The following MACROD2 variants were observed in gnomAD, a reference collection of about 807,000 sequenced individuals.
MACROD2 encodes ADP-ribose glycohydrolase MACROD2.
MACROD2 carries 36 observed loss-of-function variants against 70.4 expected under a neutral mutation model. That is an observed-to-expected ratio of 0.51 (90% CI 0.39 to 0.68). The LOEUF is 0.68. MACROD2 is among the 30% of genes least tolerant of loss of function. The pLI is 0.00. For synonymous variants in MACROD2, 172 were observed against 178.8 expected, an observed-to-expected ratio of 0.96 and a Z score of 0.30; for missense variants, 496 against 538.4, an observed-to-expected ratio of 0.92 and a Z score of 0.78.
intron 6 of MACROD2, among the ~76,000 whole-genome samples, chr20:15,239,997 A>G (rs2077047252): frequency 6.6e-6 from 1 of 152,176 alleles, no homozygotes; most frequent in Non-Finnish European, 1.5e-5. Flanking sequence ...CCTGGCCGGT[A>G]TCTCATCAGT....
intron 4 of MACROD2, among the ~76,000 whole-genome samples, chr20:14,541,201 G>A (rs532884732): frequency 1.3e-5 from 2 of 152,078 alleles, no homozygotes; most frequent in East Asian, 1.9e-4. Context: ...GACTTTATGT[G>A]ACAATAGGTA....
intron 5 of MACROD2, among the ~76,000 whole-genome samples, chr20:14,965,309 T>G (rs2074622628): frequency 6.6e-6 from 1 of 152,114 alleles, no homozygotes; most frequent in Non-Finnish European, 1.5e-5. Flanking sequence ...AAACTAGTTG[T>G]TCATGGAAAT....
At chr20:15,318,104 G>GA (rs2146165082) in intron 6 of MACROD2, among the ~76,000 whole-genome samples, 1 of 152,126 alleles carries the variant, frequency 6.6e-6, no homozygotes, top group Non-Finnish European at 1.5e-5. Context: ...ACTGAAATCA[G>GA]AAAAAAATAG....
At chr20:15,684,250 A>G (rs1467308155) in intron 8 of MACROD2, among the ~76,000 whole-genome samples, 1 of 152,176 alleles carries the variant, frequency 6.6e-6, no homozygotes, top group Non-Finnish European at 1.5e-5. Context: ...GCCATTCCTC[A>G]GTATGTAAAG....
intron 5 of MACROD2, among the ~76,000 whole-genome samples, chr20:15,215,005 A>G (rs2076796887): frequency 6.6e-6 from 1 of 152,180 alleles, no homozygotes; most frequent in South Asian, 2.1e-4. Context: ...AGCAGTTTAA[A>G]TAGTACTTGT....
intron 8 of MACROD2, among the ~76,000 whole-genome samples, chr20:15,746,156 G>A (rs1217245473): frequency 1.3e-5 from 2 of 152,006 alleles, no homozygotes; most frequent in African/African-American, 4.8e-5. Context: ...CACGAACAAT[G>A]TATATAATTC....
intron 10 of MACROD2, among the ~76,000 whole-genome samples, chr20:15,889,249 G>T (rs1391950843): frequency 6.6e-6 from 1 of 152,132 alleles, no homozygotes; most frequent in Non-Finnish European, 1.5e-5. Flanking sequence ...GGTACAATTA[G>T]CTCGTGTGAG....
chr20:14,953,545 T>G (rs1055244068), intron 5 of MACROD2, among the ~76,000 whole-genome samples: 1 of 152,110 alleles, frequency 6.6e-6, no homozygotes, highest in Non-Finnish European at 1.5e-5. Flanking sequence ...GACCTCATGG[T>G]CCGCCCACCT....
In MACROD2 at chr20:14,067,478, G is replaced by T. The variant is rs192056941; in HGVS notation, c.164-18143G>T. Among the ~76,000 whole-genome samples the T allele has an allele frequency of 1.0e-3, 159 of 152,134 alleles. 1 individual carries two copies. Among genetic ancestry groups the T allele is most frequent in the African/African-American group, 3.7e-3 (152 of 41,534 alleles). On this transcript the variant is annotated intron_variant, in intron 2 of 17. Transcript: ENST00000684519. The stretch of plus-strand genomic sequence containing the variant: ...TTCCTTTTTTATAAATGAGGATTTC[G>T]TACATTTTACTAAAAGGGCAGAAAT...
At chr20:14,941,316 G>C (rs759516896) in intron 5 of MACROD2, among the ~76,000 whole-genome samples, 3 of 151,872 alleles carry the variant, frequency 2.0e-5, no homozygotes, top group Admixed American at 6.6e-5. Context: ...TGGTAGTCCT[G>C]CCTCACCTCT....
At chr20:15,644,193 A>G (rs2049505876) in intron 8 of MACROD2, among the ~76,000 whole-genome samples, 1 of 152,174 alleles carries the variant, frequency 6.6e-6, no homozygotes, top group Non-Finnish European at 1.5e-5. Context: ...TGACTCTGGC[A>G]AAGTCACACA....
At chr20:14,478,980 A>T (rs1465196472) in intron 3 of MACROD2, among the ~76,000 whole-genome samples, 1 of 151,912 alleles carries the variant, frequency 6.6e-6, no homozygotes, top group Non-Finnish European at 1.5e-5. Flanking sequence ...CTCTGGTCTG[A>T]CTGGATGAAG....
intron 13 of MACROD2, among the ~76,000 whole-genome samples, chr20:15,971,461 C>A (rs753058173): frequency 6.6e-6 from 1 of 152,150 alleles, no homozygotes; most frequent in Non-Finnish European, 1.5e-5. Context: ...GTAAGACATG[C>A]GGTTGCACCT....
intron 5 of MACROD2, among the ~76,000 whole-genome samples, chr20:14,862,495 AT>A (rs2073364785): frequency 2.9e-5 from 1 of 34,042 alleles, no homozygotes; most frequent in Non-Finnish European, 4.7e-5. Context: ...AAATATATAT[AT>A]AAATATATAT....
At chr20:15,376,529 A>G (rs1739530701) in intron 6 of MACROD2, among the ~76,000 whole-genome samples, 1 of 152,192 alleles carries the variant, frequency 6.6e-6, no homozygotes, top group South Asian at 2.1e-4. Flanking sequence ...AGTATTATAG[A>G]TAATGCCACT....
chr20:15,004,418 T>A (rs1405397624), intron 5 of MACROD2, among the ~76,000 whole-genome samples: 1 of 152,218 alleles, frequency 6.6e-6, no homozygotes, highest in Non-Finnish European at 1.5e-5. Flanking sequence ...GGAGCTGTTG[T>A]TATTAACCAA....
intron 5 of MACROD2, among the ~76,000 whole-genome samples, chr20:14,745,920 TC>T (rs1249073011): frequency 6.6e-6 from 1 of 152,034 alleles, no homozygotes; most frequent in Non-Finnish European, 1.5e-5. Context: ...ATGGATGCAG[TC>T]CCTCCTGGTC....
At chr20:14,604,970 A>T (rs188544885) in intron 4 of MACROD2, among the ~76,000 whole-genome samples, 1 of 152,214 alleles carries the variant, frequency 6.6e-6, no homozygotes, top group African/African-American at 2.4e-5. Flanking sequence ...CTCTTTGAAC[A>T]TGCCTACATC....
intron 10 of MACROD2, among the ~76,000 whole-genome samples, chr20:15,918,149 T>C (rs2065347438): frequency 6.6e-6 from 1 of 152,248 alleles, no homozygotes; most frequent in Admixed American, 6.5e-5. Context: ...TCTTAAGGTT[T>C]ACCTCATAGG....
Sources: gnomAD v4.1 joint callset for allele counts (sites outside exome capture counted in the v4.1 genomes callset) on GRCh38, gnomAD v4.1.1 for gene constraint, MANE v1.5 for transcripts, NCBI Gene and HGNC (gene_info 2026-07-23, HGNC 2026-07-21) for gene names.